GPBP1: variants seen among roughly 807,000 people sequenced by gnomAD.
The protein encoded by GPBP1 is GC-rich promoter binding protein 1.
A neutral mutation model predicts 56.5 loss-of-function variants in GPBP1; 13 were observed. The observed-to-expected ratio is 0.23, with a 90% CI of 0.15 to 0.37. The LOEUF is 0.37. Ranked by LOEUF, GPBP1 falls within the 10% of genes least tolerant of loss-of-function variation. The probability of loss-of-function intolerance (pLI) is 1.00; values close to 1 mark genes in which losing one functional copy is unlikely to be tolerated. For synonymous variants in GPBP1, 204 were observed against 188.9 expected, an observed-to-expected ratio of 1.08 and a Z score of -0.66; for missense variants, 477 against 572.3, an observed-to-expected ratio of 0.83 and a Z score of 1.70.
intron 6 of GPBP1, among the ~76,000 whole-genome samples, chr5:57,240,777 C>T (rs1740789373): frequency 6.6e-6 from 1 of 152,004 alleles, no homozygotes; most frequent in Non-Finnish European, 1.5e-5. Flanking sequence ...GAGTTCAAGA[C>T]CAGCCTGACC....
chr5:57,189,875 G>A (rs965419622), intron 2 of GPBP1, among the ~76,000 whole-genome samples: 1 of 151,938 alleles, frequency 6.6e-6, no homozygotes, highest in African/African-American at 2.4e-5. Flanking sequence ...CCTCTTCTCT[G>A]TTCTTCCCTT....
chr5:57,216,925 G>A (rs115276269), intron 3 of GPBP1, among the ~76,000 whole-genome samples: 1,748 of 151,318 alleles, frequency 0.012, 30 homozygotes, highest in African/African-American at 0.041. Flanking sequence ...TTTCAGGAAT[G>A]TGAATTTTGC....
chr5:57,240,439 C>T (rs1306927858), intron 6 of GPBP1, among the ~76,000 whole-genome samples: 3 of 152,166 alleles, frequency 2.0e-5, no homozygotes, highest in Non-Finnish European at 4.4e-5. Flanking sequence ...CCTCTTACCC[C>T]AACCATTCAG....
chr5:57,264,429 C>A lies in GPBP1; in HGVS notation c.*1677C>A, dbSNP rs1391106044. The A allele has an allele frequency of 1.3e-5, 2 of 152,104 alleles. No homozygotes were observed. Among genetic ancestry groups the A allele is most frequent in the Admixed American group, 1.3e-4 (2 of 15,260 alleles). 9.4% of individuals were successfully genotyped at this position (152,104 alleles called of 1,614,324 possible). A position where few individuals can be genotyped will look rare whatever the true frequency, so the allele number is the denominator to read the frequency against. ...GATTAATGAAATTTATCAGATACAACCTGTATTTCCAAAAACAAGCTAGAA... is the reference window on the plus strand; with the variant it reads ...GATTAATGAAATTTATCAGATACAAACTGTATTTCCAAAAACAAGCTAGAA... On this transcript the variant is annotated 3_prime_UTR_variant, in exon 12 of 12. Transcript: ENST00000506184.
At chr5:57,186,009 A>G (rs1754269913) in intron 2 of GPBP1, among the ~76,000 whole-genome samples, 1 of 151,958 alleles carries the variant, frequency 6.6e-6, no homozygotes, top group Non-Finnish European at 1.5e-5. Flanking sequence ...AGAATTCTTC[A>G]TGTATTTTGG....
At chr5:57,214,640 T>A (rs1755628350) in intron 3 of GPBP1, among the ~76,000 whole-genome samples, 1 of 152,176 alleles carries the variant, frequency 6.6e-6, no homozygotes, top group Non-Finnish European at 1.5e-5. Context: ...ATCTAAGTTA[T>A]TTAATTTGTT....
At chr5:57,243,576 C>T (rs1277318845) in intron 6 of GPBP1, among the ~76,000 whole-genome samples, 1 of 151,896 alleles carries the variant, frequency 6.6e-6, no homozygotes, top group African/African-American at 2.4e-5. Context: ...ATATTTCTTA[C>T]TCCTAGGCAT....
intron 3 of GPBP1, among the ~76,000 whole-genome samples, chr5:57,226,895 G>A (rs1040379775): frequency 7.3e-5 from 11 of 151,492 alleles, no homozygotes; most frequent in Admixed American, 3.9e-4. Context: ...GCCCGCCACC[G>A]CGCCTGACTA....
At chr5:57,175,400 A>G in intron 1 of GPBP1, 48 bp from the exon 2 acceptor site, 1 of 398,048 alleles carries the variant, frequency 2.5e-6, no homozygotes. Context: ...TGATTTTTTT[A>G]GCTCAAAATC....
At chr5:57,209,175 G>A (rs944433776) in intron 2 of GPBP1, among the ~76,000 whole-genome samples, 1 of 151,898 alleles carries the variant, frequency 6.6e-6, no homozygotes, top group Admixed American at 6.6e-5. Flanking sequence ...TTCTATCTTG[G>A]CAGCGTTCCT....
At chr5:57,201,361 T>G (rs758299378) in intron 2 of GPBP1, among the ~76,000 whole-genome samples, 1 of 151,908 alleles carries the variant, frequency 6.6e-6, no homozygotes, top group Non-Finnish European at 1.5e-5. Context: ...GGAGATGGAG[T>G]TATTACTCAA....
At position 57,257,472 on chromosome 5, in the gene GPBP1, A is replaced by G. The variant is rs556306342; in HGVS notation, c.1161-3708A>G. 5.3e-5 allele frequency among the ~76,000 whole-genome samples: 8 copies of G among 152,354 alleles called. No individual in the cohort carries two copies. The East Asian group carries it at 1.5e-3, about 29-fold the overall frequency. ...GGGTATCGAGGTAGCCTCAACATCA[A>G]AGGGATACAGTTGTCAACTTGTTTA... On this transcript the variant is annotated intron_variant, in intron 10 of 11. Coordinates refer to ENST00000506184, the MANE Select transcript of GPBP1 (RefSeq NM_022913.4).
intron 2 of GPBP1, among the ~76,000 whole-genome samples, chr5:57,190,442 G>A (rs750050188): frequency 6.6e-6 from 1 of 151,692 alleles, no homozygotes; most frequent in Non-Finnish European, 1.5e-5. Flanking sequence ...AAAATTAGCC[G>A]AGCGTGTTGG....
chr5:57,208,185 A>G (rs1755317960), intron 2 of GPBP1, among the ~76,000 whole-genome samples: 1 of 151,912 alleles, frequency 6.6e-6, no homozygotes, highest in Non-Finnish European at 1.5e-5. Flanking sequence ...ACTCTTTCTC[A>G]GGGGATTGGA....
rs34533194 is a variant in GPBP1 at position 57,250,922 on chromosome 5, C to CTTTT, written c.973-21_973-18dup. Reference sequence around the variant, plus strand: ...ATAACTGTATTCTGTAGAACTCATTCTTTTTTTTTTTTTTAACTCTCTAAA... The same window carrying CTTTT: ...ATAACTGTATTCTGTAGAACTCATTCTTTTTTTTTTTTTTTTTTAACTCTCTAAA... On this transcript the variant is annotated intron_variant, in intron 9 of 11. Transcript: ENST00000506184. 4.4e-5 allele frequency: 52 copies of CTTTT among 1,172,962 alleles called. No homozygotes were observed. In the Admixed American group the frequency reaches 1.1e-3, roughly 24 times the overall value. The allele number at this position is 1,172,962 out of a possible 1,614,324, so 72.7% of individuals were successfully genotyped here.
chr5:57,222,276 T>C lies in GPBP1; in HGVS notation c.63+8083T>C, dbSNP rs565499427. On this transcript the variant is annotated intron_variant, in intron 3 of 11. Coordinates refer to ENST00000506184, the MANE Select transcript of GPBP1 (RefSeq NM_022913.4). ...AAAAATCTTAAGATGGTAGACACTC[T>C]TATCTCCCCCTGCCCCACCATTTAC... Among the ~76,000 whole-genome samples, 7 of 152,302 alleles carry C rather than the reference T, an allele frequency of 4.6e-5. No individual in the cohort carries two copies. The East Asian group carries it at 9.7e-4, about 21-fold the overall frequency.
At chr5:57,219,419 C>CAA (rs5868039) in intron 3 of GPBP1, among the ~76,000 whole-genome samples, 10,039 of 68,122 alleles carry the variant, frequency 0.15, 1,308 homozygotes, top group East Asian at 0.29. Flanking sequence ...AACAAACAAA[C>CAA]AAAAAAAAAA....
At position 57,262,580 on chromosome 5, in the gene GPBP1, T is replaced by C. The variant is rs770944430; in HGVS notation, c.1264-14T>C. On this transcript the variant is annotated splice_polypyrimidine_tract_variant and intron_variant, in intron 11 of 11. Transcript: ENST00000506184. Reference sequence around the variant, plus strand: ...TTGAGGGATAATTTATTTATTTTGCTGTTAACATTTTAGTTACAGAAGAAT... The same window carrying C: ...TTGAGGGATAATTTATTTATTTTGCCGTTAACATTTTAGTTACAGAAGAAT... 40 of 1,577,126 alleles carry C rather than the reference T, an allele frequency of 2.5e-5. No individual in the cohort carries two copies. The highest frequency in any genetic ancestry group is 3.2e-5 in the Non-Finnish European group (37 of 1,147,086).
At chr5:57,216,681 G>T in intron 3 of GPBP1, among the ~76,000 whole-genome samples, 1 of 152,060 alleles carries the variant, frequency 6.6e-6, no homozygotes. Context: ...GTGAGACTCT[G>T]TCTCAAAAAC....
Sources: allele counts gnomAD v4.1 joint callset (sites outside exome capture counted in the v4.1 genomes callset), GRCh38; gene constraint gnomAD v4.1.1; transcripts MANE v1.5; gene names NCBI Gene and HGNC (gene_info 2026-07-23, HGNC 2026-07-21).